TAFA1: variants seen among roughly 807,000 people sequenced by gnomAD.
The protein encoded by TAFA1 is TAFA chemokine like family member 1.
In TAFA1, 4 loss-of-function variants were observed where a neutral mutation model predicts 18.5. The ratio of observed to expected loss-of-function variants is 0.22; its 90% CI spans 0.11 to 0.49. TAFA1 has a LOEUF of 0.49. Among genes scored for constraint, TAFA1 ranks in the 20% least tolerant of loss-of-function variants. TAFA1 has a pLI of 0.98. For missense variants in TAFA1, 147 were observed against 169.0 expected, an observed-to-expected ratio of 0.87 and a Z score of 0.72; for synonymous variants, 56 against 55.2, an observed-to-expected ratio of 1.01 and a Z score of -0.06.
chr3:68,121,136 T>C (rs773896819), intron 2 of TAFA1, among the ~76,000 whole-genome samples: 3 of 152,220 alleles, frequency 2.0e-5, no homozygotes, highest in Non-Finnish European at 4.4e-5. Context: ...GTATATTTTA[T>C]TTCTCTTTGC....
At chr3:68,176,832 A>G (rs1487547127) in intron 2 of TAFA1, among the ~76,000 whole-genome samples, 2 of 152,210 alleles carry the variant, frequency 1.3e-5, no homozygotes, top group Non-Finnish European at 2.9e-5. Flanking sequence ...ACTCCATTGT[A>G]AAGTTGTATT....
intron 2 of TAFA1, among the ~76,000 whole-genome samples, chr3:68,341,379 C>T (rs966235724): frequency 2.6e-5 from 4 of 152,116 alleles, no homozygotes; most frequent in South Asian, 2.1e-4. Context: ...GTGGTGTCAG[C>T]TGGTGCACCC....
At chr3:68,221,151 G>A (rs2066724949) in intron 2 of TAFA1, among the ~76,000 whole-genome samples, 1 of 152,154 alleles carries the variant, frequency 6.6e-6, no homozygotes, top group South Asian at 2.1e-4. Flanking sequence ...TGCAGGAAGT[G>A]GCCTGTAGAC....
At chr3:68,294,273 T>C (rs140924933) in intron 2 of TAFA1, among the ~76,000 whole-genome samples, 1 of 152,354 alleles carries the variant, frequency 6.6e-6, no homozygotes, top group Middle Eastern at 3.4e-3. Context: ...TAAATTTTCA[T>C]GTAGCCACAT....
upstream of TAFA1, among the ~76,000 whole-genome samples, chr3:68,003,113 A>G (rs113728986): frequency 5.2e-3 from 793 of 152,304 alleles, 2 homozygotes; most frequent in African/African-American, 0.016. Flanking sequence ...TTACTTAGAA[A>G]TCTGTTTAGA....
At chr3:68,526,939 C>T (rs1322116509) in intron 3 of TAFA1, among the ~76,000 whole-genome samples, 1 of 152,068 alleles carries the variant, frequency 6.6e-6, no homozygotes, top group South Asian at 2.1e-4. Flanking sequence ...TTGCAAATTA[C>T]TATCCACTGT....
At chr3:68,230,931 G>A (rs886598549) in intron 2 of TAFA1, among the ~76,000 whole-genome samples, 2 of 152,112 alleles carry the variant, frequency 1.3e-5, no homozygotes, top group African/African-American at 4.8e-5. Flanking sequence ...AGAAATGAAT[G>A]TTCAGATCTT....
intron 3 of TAFA1, among the ~76,000 whole-genome samples, chr3:68,458,320 C>A (rs2071704303): frequency 6.6e-6 from 1 of 152,280 alleles, no homozygotes; most frequent in South Asian, 2.1e-4. Context: ...TGGAGCTATA[C>A]ACCAATTAAA....
chr3:68,171,187 G>A (rs2066048965), intron 2 of TAFA1, among the ~76,000 whole-genome samples: 1 of 152,156 alleles, frequency 6.6e-6, no homozygotes, highest in Admixed American at 6.5e-5. Flanking sequence ...ATGTGGAAGA[G>A]GGAGGTAAAA....
At chr3:68,157,130 GA>G in intron 2 of TAFA1, among the ~76,000 whole-genome samples, 1 of 152,326 alleles carries the variant, frequency 6.6e-6, no homozygotes, top group Admixed American at 6.5e-5. Context: ...AGCATATTCA[GA>G]AAGCTGGGAA....
chr3:68,330,429 AG>A (rs1473223103), intron 2 of TAFA1, among the ~76,000 whole-genome samples: 2 of 152,228 alleles, frequency 1.3e-5, no homozygotes, highest in African/African-American at 4.8e-5. Context: ...AAAGTCACAC[AG>A]GGGGATCTGG....
At chr3:68,495,115 A>G (rs1266184947) in intron 3 of TAFA1, among the ~76,000 whole-genome samples, 4 of 152,204 alleles carry the variant, frequency 2.6e-5, no homozygotes. Context: ...ATCCCAGTGG[A>G]CACCCACAAC....
chr3:68,163,159 G>A (rs1200192419), intron 2 of TAFA1, among the ~76,000 whole-genome samples: 1 of 152,118 alleles, frequency 6.6e-6, no homozygotes, highest in Admixed American at 6.5e-5. Context: ...GTAATCTTCT[G>A]AAGGACTACT....
At chr3:68,188,462 T>C (rs1249179693) in intron 2 of TAFA1, among the ~76,000 whole-genome samples, 1 of 148,924 alleles carries the variant, frequency 6.7e-6, no homozygotes, top group Non-Finnish European at 1.5e-5. Context: ...AAGTAGTATC[T>C]CTCTAAATTA....
At chr3:68,484,087 T>A (rs946491220) in intron 3 of TAFA1, among the ~76,000 whole-genome samples, 1 of 152,264 alleles carries the variant, frequency 6.6e-6, no homozygotes, top group South Asian at 2.1e-4. Context: ...TTAATTTTCA[T>A]ACTGCTTTAC....
intron 3 of TAFA1, among the ~76,000 whole-genome samples, chr3:68,466,091 C>A (rs910316764): frequency 5.3e-5 from 8 of 152,030 alleles, no homozygotes; most frequent in Non-Finnish European, 1.0e-4. Flanking sequence ...TATTCTTCTA[C>A]TTCTGGGCAC....
chr3:68,277,256 G>A (rs112931802), intron 2 of TAFA1, among the ~76,000 whole-genome samples: 2,187 of 152,218 alleles, frequency 0.014, 62 homozygotes, highest in South Asian at 0.099. Context: ...TGTCAGTGAA[G>A]AAACCTGAAA....
chr3:68,247,065 C>G (rs896420663), intron 2 of TAFA1, among the ~76,000 whole-genome samples: 3 of 150,840 alleles, frequency 2.0e-5, no homozygotes, highest in Non-Finnish European at 2.9e-5. Context: ...ACATAGTAAA[C>G]ATCGATGTAT....
intron 2 of TAFA1, among the ~76,000 whole-genome samples, chr3:68,262,352 T>C (rs2067451040): frequency 1.8e-5 from 2 of 113,828 alleles, no homozygotes; most frequent in Non-Finnish European, 3.6e-5. Context: ...TATATATATA[T>C]ATATATTTCA....
Sources: gnomAD v4.1 joint callset for allele counts (sites outside exome capture counted in the v4.1 genomes callset) on GRCh38, gnomAD v4.1.1 for gene constraint, MANE v1.5 for transcripts, NCBI Gene and HGNC (gene_info 2026-07-23, HGNC 2026-07-21) for gene names.